ADGRG6: variants seen among roughly 807,000 people sequenced by gnomAD.
ADGRG6 encodes the protein adhesion G protein-coupled receptor G6.
ADGRG6 carries 84 observed loss-of-function variants against 142.4 expected under a neutral mutation model. The observed-to-expected ratio is 0.59, with a 90% CI of 0.49 to 0.71. The LOEUF (loss-of-function observed/expected upper bound fraction) is 0.71, where lower values mean the gene tolerates loss of function less well. Among genes scored for constraint, ADGRG6 ranks in the 30% least tolerant of loss-of-function variants. ADGRG6 has a pLI of 0.00. For missense variants in ADGRG6, 1,367 were observed against 1,466.6 expected, an observed-to-expected ratio of 0.93 and a Z score of 1.11; for synonymous variants, 521 against 520.5, an observed-to-expected ratio of 1.00 and a Z score of -0.01.
At chr6:142,349,228 G>A (rs1187737417) in intron 2 of ADGRG6, among the ~76,000 whole-genome samples, 1 of 152,224 alleles carries the variant, frequency 6.6e-6, no homozygotes, top group Non-Finnish European at 1.5e-5. Flanking sequence ...TAAAGTTCCT[G>A]AAACACCAGA....
intron 2 of ADGRG6, among the ~76,000 whole-genome samples, chr6:142,342,047 A>G (rs988126935): frequency 6.6e-6 from 1 of 152,044 alleles, no homozygotes; most frequent in Non-Finnish European, 1.5e-5. Flanking sequence ...ACCTCTTAAA[A>G]TGCCCATCGT....
intron 11 of ADGRG6, among the ~76,000 whole-genome samples, chr6:142,401,625 T>C (rs887027285): frequency 6.6e-6 from 1 of 152,092 alleles, no homozygotes; most frequent in Non-Finnish European, 1.5e-5. Flanking sequence ...TCTAATATCA[T>C]TTATAGGAAA....
Position 142,443,566 on chromosome 6 carries a change from A to G in ADGRG6, c.*51A>G. 1 of 1,262,572 alleles carries G rather than the reference A, an allele frequency of 7.9e-7. No individual in the cohort carries two copies. Among genetic ancestry groups the G allele is most frequent in the Non-Finnish European group, 1.1e-6 (1 of 880,030 alleles). The allele number at this position is 1,262,572 out of a possible 1,614,324, so 78.2% of individuals were successfully genotyped here. On this transcript the variant is annotated 3_prime_UTR_variant, in exon 25 of 25. Coordinates refer to ENST00000367609, the MANE Select transcript of ADGRG6 (RefSeq NM_198569.3). ...TGCAGAAATGTGAAGATTTGCAAGC[A>G]GTGTAAACTGCAACTAGTGATGTAA...
intron 24 of ADGRG6, 134 bp downstream of exon 24, chr6:142,438,498 G>T (rs1231049857): frequency 5.6e-6 from 3 of 534,302 alleles, no homozygotes; most frequent in East Asian, 3.3e-5. Flanking sequence ...AAATCCGTTT[G>T]AAGACGTTAT....
At chr6:142,306,038 CA>C (rs1378590728) in intron 1 of ADGRG6, among the ~76,000 whole-genome samples, 1 of 152,176 alleles carries the variant, frequency 6.6e-6, no homozygotes, top group Non-Finnish European at 1.5e-5. Context: ...TTTTCTCTGC[CA>C]TTCCCCAGTC....
At chr6:142,406,749 C>T (rs938546623) in intron 15 of ADGRG6, among the ~76,000 whole-genome samples, 3 of 152,196 alleles carry the variant, frequency 2.0e-5, no homozygotes, top group South Asian at 4.1e-4. Context: ...TTGTATAAAA[C>T]GTGTAATTTA....
At chr6:142,393,057 A>G in intron 8 of ADGRG6, 57 bp downstream of exon 8, 10 of 931,210 alleles carry the variant, frequency 1.1e-5, no homozygotes, top group Non-Finnish European at 1.6e-5. Context: ...TAATGCTACT[A>G]TTTGTCTCTC....
chr6:142,402,518 C>A, intron 12 of ADGRG6, 102 bp from the exon 13 acceptor site: 1 of 648,146 alleles, frequency 1.5e-6, no homozygotes, highest in Non-Finnish European at 2.7e-6. Flanking sequence ...CACTTTCTTG[C>A]TTCAACTGTA....
intron 2 of ADGRG6, among the ~76,000 whole-genome samples, chr6:142,324,172 A>G (rs1425759728): frequency 6.6e-6 from 1 of 152,040 alleles, no homozygotes; most frequent in Non-Finnish European, 1.5e-5. Flanking sequence ...CTTCTGTAAA[A>G]CAGAAAAATG....
In ADGRG6 at chr6:142,403,987, G is replaced by T. The variant is rs1395287168; in HGVS notation, c.2127+14G>T. On this transcript the variant is annotated intron_variant, in intron 14 of 24. Transcript: ENST00000367609. ...TCGTATTTCCAGGTAATGAGCCAGT[G>T]GTTTCTTTCATTTTAATTAATTAGT... 2.5e-6 allele frequency: 4 copies of T among 1,580,182 alleles called. No homozygotes were observed. Among genetic ancestry groups the T allele is most frequent in the Non-Finnish European group, 3.5e-6 (4 of 1,152,616 alleles).
rs1022668316 is a variant in ADGRG6 at position 142,392,801 on chromosome 6, A to G, written c.1309-147A>G. On this transcript the variant is annotated intron_variant, in intron 7 of 24. Transcript: ENST00000367609. ...ATACAGTGATCCATTAACTGTTACAATGATCCATTAACTGTTCACTCCTCC... is the reference window on the plus strand; with the variant it reads ...ATACAGTGATCCATTAACTGTTACAGTGATCCATTAACTGTTCACTCCTCC... 6.4e-5 allele frequency: 39 copies of G among 611,260 alleles called. No homozygotes were observed. The Middle Eastern group carries it at 2.9e-3, about 45-fold the overall frequency. The allele number at this position is 611,260 out of a possible 1,614,324, so 37.9% of individuals were successfully genotyped here.
intron 6 of ADGRG6, among the ~76,000 whole-genome samples, chr6:142,385,565 TG>T (rs1391171590): frequency 6.6e-6 from 1 of 152,190 alleles, no homozygotes; most frequent in Non-Finnish European, 1.5e-5. Context: ...ATTTCACAAT[TG>T]TAAAGTGAAA....
chr6:142,440,161 A>G (rs947602159), intron 24 of ADGRG6, among the ~76,000 whole-genome samples: 2 of 152,220 alleles, frequency 1.3e-5, no homozygotes, highest in African/African-American at 4.8e-5. Context: ...AGAAAGGGCT[A>G]TAGGATTCGG....
intron 1 of ADGRG6, among the ~76,000 whole-genome samples, chr6:142,305,676 C>T (rs1411065340): frequency 6.6e-6 from 1 of 152,134 alleles, no homozygotes; most frequent in East Asian, 1.9e-4. Flanking sequence ...ACACAATTTA[C>T]TTCTCTTTTT....
intron 20 of ADGRG6, among the ~76,000 whole-genome samples, chr6:142,416,724 C>T (rs1776377234): frequency 1.3e-5 from 2 of 152,184 alleles, no homozygotes; most frequent in African/African-American, 4.8e-5. Context: ...GCAATAAGCA[C>T]ACTCTTCAGA....
At chr6:142,418,191 G>A (rs1442599352) in intron 21 of ADGRG6, among the ~76,000 whole-genome samples, 1 of 151,380 alleles carries the variant, frequency 6.6e-6, no homozygotes, top group Non-Finnish European at 1.5e-5. Flanking sequence ...GCTACTACTC[G>A]GGAGGCTGAG....
intron 2 of ADGRG6, among the ~76,000 whole-genome samples, chr6:142,330,252 C>T (rs1003296567): frequency 2.0e-5 from 3 of 151,790 alleles, no homozygotes; most frequent in African/African-American, 7.3e-5. Context: ...GGGCTTAATA[C>T]CTGGCTGATG....
intron 10 of ADGRG6, 46 bp downstream of exon 10, chr6:142,397,801 A>T (rs1354560829): frequency 7.3e-6 from 9 of 1,239,472 alleles, no homozygotes; most frequent in Non-Finnish European, 9.8e-6. Flanking sequence ...ACAACTGTAT[A>T]TTCAGGTTTA....
At chr6:142,440,707 G>A (rs766503216) in intron 24 of ADGRG6, among the ~76,000 whole-genome samples, 10 of 152,094 alleles carry the variant, frequency 6.6e-5, no homozygotes, top group Non-Finnish European at 1.5e-4. Flanking sequence ...TAGTTATATG[G>A]CATTACTTCA....
Sources: gnomAD v4.1 joint callset for allele counts (sites outside exome capture counted in the v4.1 genomes callset) on GRCh38, gnomAD v4.1.1 for gene constraint, MANE v1.5 for transcripts, NCBI Gene and HGNC (gene_info 2026-07-23, HGNC 2026-07-21) for gene names.